The following ZMYM2 variants were observed in gnomAD, a reference collection of about 807,000 sequenced individuals.
The protein encoded by ZMYM2 is zinc finger MYM-type protein 2.
In ZMYM2, 56 loss-of-function variants were observed where a neutral mutation model predicts 162.8. That is an observed-to-expected ratio of 0.34 (90% CI 0.28 to 0.43). The LOEUF is 0.43. ZMYM2 is among the 20% of genes least tolerant of loss of function. ZMYM2 has a pLI of 1.00. For synonymous variants in ZMYM2, 510 were observed against 541.6 expected, an observed-to-expected ratio of 0.94 and a Z score of 0.81; for missense variants, 1,275 against 1,621.8, an observed-to-expected ratio of 0.79 and a Z score of 3.67.
At chr13:19,882,160 A>C in the ZMYM2 span, among the ~76,000 whole-genome samples, 1 of 152,220 alleles carries the variant, frequency 6.6e-6, no homozygotes, top group Non-Finnish European at 1.5e-5. Context: ...AAAGCCGAGC[A>C]GTGAAATAAT....
intron 2 of ZMYM2, among the ~76,000 whole-genome samples, chr13:19,972,184 T>C (rs976913399): frequency 6.6e-6 from 1 of 152,192 alleles, no homozygotes. Context: ...AATGGATTTT[T>C]AGTAGCTGAG....
chr13:20,002,168 T>TATA (rs1950441081), intron 3 of ZMYM2, among the ~76,000 whole-genome samples: 1 of 152,240 alleles, frequency 6.6e-6, no homozygotes, highest in African/African-American at 2.4e-5. Context: ...TGGAAATAAT[T>TATA]ATAAACTTTA....
chr13:20,010,697 G>A (rs1170340996), intron 6 of ZMYM2, among the ~76,000 whole-genome samples: 1 of 152,076 alleles, frequency 6.6e-6, no homozygotes, highest in Non-Finnish European at 1.5e-5. Context: ...CTGGAGTGCA[G>A]CAGCGAGATC....
intron 2 of ZMYM2, among the ~76,000 whole-genome samples, chr13:19,992,240 A>AT (rs1184379841): frequency 6.6e-6 from 1 of 152,186 alleles, no homozygotes; most frequent in Admixed American, 6.5e-5. Flanking sequence ...GCCAGAGAAT[A>AT]TGAGAAAAGT....
the ZMYM2 span, among the ~76,000 whole-genome samples, chr13:19,935,992 G>C: frequency 6.6e-6 from 1 of 152,108 alleles, no homozygotes; most frequent in Non-Finnish European, 1.5e-5. Context: ...TCATAGGAGC[G>C]TTTCAAAACA....
rs748702123 is a variant in ZMYM2, at chr13:19,993,076, G to A, written c.4G>A (p.Asp2Asn). The change falls in exon 3 of 25, where the codon GAC (aspartate) becomes AAC (asparagine). Residue 2 changes from aspartate (D) to asparagine (N), a missense_variant. Physicochemically the swap from Asp to Asn is conservative, Grantham distance 23. Transcript: ENST00000610343. MDTSSVGGLELT... is the reference protein window; with the variant it reads MNTSSVGGLELT... The stretch of plus-strand genomic sequence containing the variant: ...TCTTCCTAACAGGTTCTTTGGCATG[G>A]ACACAAGTTCAGTGGGAGGATTAGA... 2.5e-6 allele frequency: 4 copies of A among 1,593,326 alleles called. No individual in the cohort carries two copies. Among genetic ancestry groups the A allele is most frequent in the African/African-American group, 1.4e-5 (1 of 73,882 alleles).
the ZMYM2 span, among the ~76,000 whole-genome samples, chr13:19,926,045 C>T: frequency 6.6e-6 from 1 of 151,308 alleles, no homozygotes; most frequent in East Asian, 2.0e-4. Context: ...ACCACAACCT[C>T]GGCCTCCTGG....
chr13:20,038,055 C>G (rs1566365811), intron 12 of ZMYM2, among the ~76,000 whole-genome samples: 1 of 152,142 alleles, frequency 6.6e-6, no homozygotes, highest in African/African-American at 2.4e-5. Context: ...ATTTGCTTTT[C>G]TTTTCCTGTG....
intron 14 of ZMYM2, among the ~76,000 whole-genome samples, chr13:20,054,741 G>T (rs1183253605): frequency 6.6e-6 from 1 of 152,224 alleles, no homozygotes; most frequent in East Asian, 1.9e-4. Context: ...GGCAAGAAGT[G>T]CAACATTGAG....
the ZMYM2 span, among the ~76,000 whole-genome samples, chr13:19,922,591 TC>T: frequency 6.6e-6 from 1 of 152,140 alleles, no homozygotes; most frequent in Non-Finnish European, 1.5e-5. Flanking sequence ...ACGCCTGTAA[TC>T]CCAGCACTTT....
intron 21 of ZMYM2, among the ~76,000 whole-genome samples, chr13:20,078,260 ATAT>A (rs778131032): frequency 3.7e-4 from 56 of 152,222 alleles, no homozygotes; most frequent in East Asian, 1.9e-3. Context: ...GGATTATTTT[ATAT>A]TATTATTAAT....
the ZMYM2 span, among the ~76,000 whole-genome samples, chr13:19,911,127 G>C: frequency 6.7e-6 from 1 of 149,254 alleles, no homozygotes. Flanking sequence ...TGGGATCTCG[G>C]CTCACTGCAA....
intron 14 of ZMYM2, among the ~76,000 whole-genome samples, chr13:20,055,934 T>C (rs1001758556): frequency 7.9e-5 from 12 of 152,148 alleles, no homozygotes; most frequent in African/African-American, 2.9e-4. Flanking sequence ...ATGAAAAGTG[T>C]TGAAGTTGAG....
chr13:20,051,325 T>C (rs1955323470), intron 12 of ZMYM2, 108 bp from the exon 13 acceptor site: 2 of 1,101,128 alleles, frequency 1.8e-6, no homozygotes, highest in African/African-American at 1.6e-5. Context: ...AGTTCTACTT[T>C]TTCTGTATCA....
At chr13:20,015,023 A>C (rs1050375775) in intron 6 of ZMYM2, among the ~76,000 whole-genome samples, 1 of 151,894 alleles carries the variant, frequency 6.6e-6, no homozygotes, top group Admixed American at 6.6e-5. Context: ...AGCCTTCCAA[A>C]GTGCTGGGAT....
At chr13:20,043,308 C>G (rs1566378136) in intron 12 of ZMYM2, among the ~76,000 whole-genome samples, 1 of 152,198 alleles carries the variant, frequency 6.6e-6, no homozygotes, top group Non-Finnish European at 1.5e-5. Context: ...AGTGCGGTGA[C>G]AGCAGGATCC....
chr13:19,983,793 T>C (rs1948922906), intron 2 of ZMYM2, among the ~76,000 whole-genome samples: 1 of 150,240 alleles, frequency 6.7e-6, no homozygotes, highest in Admixed American at 6.6e-5. Context: ...TATGCCCATC[T>C]AATTTTCCTA....
intron 2 of ZMYM2, among the ~76,000 whole-genome samples, chr13:19,961,670 TA>T (rs1955224555): frequency 6.6e-6 from 1 of 152,162 alleles, no homozygotes; most frequent in Non-Finnish European, 1.5e-5. Flanking sequence ...GCAAAATCAG[TA>T]CTTTTCTGTA....
At chr13:20,043,657 G>A (rs12868122) in intron 12 of ZMYM2, among the ~76,000 whole-genome samples, 34,929 of 151,944 alleles carry the variant, frequency 0.23, 4,981 homozygotes, top group Admixed American at 0.32. Context: ...TGGTGGGGGC[G>A]GGGCTGACTG....
Sources: allele counts gnomAD v4.1 joint callset (sites outside exome capture counted in the v4.1 genomes callset), GRCh38; gene constraint gnomAD v4.1.1; transcripts MANE v1.5; gene names NCBI Gene and HGNC (gene_info 2026-07-23, HGNC 2026-07-21).